AGBL1: variants seen among roughly 807,000 people sequenced by gnomAD.
The protein encoded by AGBL1 is cytosolic carboxypeptidase 4.
Under a neutral mutation model 118.9 loss-of-function variants are expected in AGBL1, and 130 were observed. That is an observed-to-expected ratio of 1.09 (90% CI 0.95 to 1.26). The LOEUF (loss-of-function observed/expected upper bound fraction) is 1.26. Among genes scored for constraint, AGBL1 ranks in the 50% most tolerant of loss-of-function variants. The probability of loss-of-function intolerance (pLI) is 0.00; values close to 1 mark genes in which losing one functional copy is unlikely to be tolerated. For synonymous variants in AGBL1, 555 were observed against 478.9 expected (o/e 1.16, Z -2.08); for missense variants, 1,584 against 1,298.1 (o/e 1.22, Z -3.38).
At position 86,410,843 on chromosome 15, in the gene AGBL1, A is replaced by ATAT. The variant is rs1567242932; in HGVS notation, c.2555+13298_2555+13300dup. Among the ~76,000 whole-genome samples, 42 of 72,714 alleles carry ATAT rather than the reference A, an allele frequency of 5.8e-4. 1 individual carries two copies. Among genetic ancestry groups the ATAT allele is most frequent in the African/African-American group, 2.3e-3 (41 of 17,468 alleles). The allele number at this position is 72,714 out of a possible 152,430, so 47.7% of individuals were successfully genotyped here. A position where few individuals can be genotyped will look rare whatever the true frequency, so the allele number is the denominator to read the frequency against. ...ATATATATATATATATATATATATA[A>ATAT]TATACTATTTTATATATAAAATATA... On this transcript the variant is annotated intron_variant, in intron 18 of 22. Coordinates refer to ENST00000614907, the MANE Select transcript of AGBL1 (RefSeq NM_001386094.1).
intron 19 of AGBL1, among the ~76,000 whole-genome samples, chr15:86,539,492 C>T (rs1350714599): frequency 6.6e-6 from 1 of 152,184 alleles, no homozygotes; most frequent in African/African-American, 2.4e-5. Context: ...ATCTGATCAT[C>T]TTGCTCCTTC....
chr15:86,150,745 A>T (rs1248767219), intron 3 of AGBL1, among the ~76,000 whole-genome samples: 1 of 152,230 alleles, frequency 6.6e-6, no homozygotes, highest in Non-Finnish European at 1.5e-5. Context: ...ATACAAAAAG[A>T]GGCAATCCTC....
chr15:86,332,105 A>G (rs962469389), intron 17 of AGBL1, among the ~76,000 whole-genome samples: 2 of 152,020 alleles, frequency 1.3e-5, no homozygotes, highest in African/African-American at 4.8e-5. Context: ...GGGAAAAAAA[A>G]GCAGGGATTG....
At chr15:86,184,479 A>G (rs1480368160) in intron 5 of AGBL1, among the ~76,000 whole-genome samples, 3 of 144,590 alleles carry the variant, frequency 2.1e-5, no homozygotes, top group Non-Finnish European at 4.5e-5. Flanking sequence ...TTAAAAATGG[A>G]GTCTTAAAAT....
chr15:86,246,914 A>G (rs1364043755), intron 6 of AGBL1, among the ~76,000 whole-genome samples: 1 of 152,172 alleles, frequency 6.6e-6, no homozygotes, highest in Non-Finnish European at 1.5e-5. Flanking sequence ...GGTCCACTGA[A>G]GTTCAGATAG....
intron 6 of AGBL1, among the ~76,000 whole-genome samples, chr15:86,226,409 C>G (rs1429732965): frequency 3.3e-5 from 5 of 152,124 alleles, no homozygotes; most frequent in African/African-American, 7.2e-5. Flanking sequence ...CCCAGCCCAG[C>G]CTTGGCATGG....
intron 18 of AGBL1, among the ~76,000 whole-genome samples, chr15:86,414,407 C>A (rs1428548384): frequency 2.0e-5 from 3 of 152,072 alleles, no homozygotes; most frequent in African/African-American, 7.2e-5. Context: ...TATAGCTTCC[C>A]AGAGGTAGTT....
intron 22 of AGBL1, among the ~76,000 whole-genome samples, chr15:86,889,266 A>G (rs893019159): frequency 7.0e-6 from 1 of 143,014 alleles, no homozygotes; most frequent in Non-Finnish European, 1.5e-5. Context: ...CGCTTACTAT[A>G]GAAAGTTTGA....
chr15:86,998,678 G>A (rs939182938), intron 24 of AGBL1, among the ~76,000 whole-genome samples: 1 of 152,178 alleles, frequency 6.6e-6, no homozygotes, highest in Non-Finnish European at 1.5e-5. Context: ...AAGGGAATGG[G>A]CAGCTGATAT....
intron 21 of AGBL1, among the ~76,000 whole-genome samples, chr15:86,600,431 T>C (rs1338352484): frequency 6.6e-6 from 1 of 152,134 alleles, no homozygotes; most frequent in Non-Finnish European, 1.5e-5. Flanking sequence ...CAAAATATCT[T>C]AAAGGTCTTG....
At chr15:86,677,077 A>C (rs761616524) in intron 22 of AGBL1, among the ~76,000 whole-genome samples, 2 of 152,154 alleles carry the variant, frequency 1.3e-5, no homozygotes, top group Non-Finnish European at 2.9e-5. Context: ...AGGCCCACAG[A>C]CAGCATTAAC....
chr15:86,295,178 T>G, intron 16 of AGBL1, 77 bp from the exon 17 acceptor site: 1 of 1,490,066 alleles, frequency 6.7e-7, no homozygotes. Context: ...AAACTATATG[T>G]AAGCCGTTGT....
chr15:86,192,815 G>A (rs1206088084), intron 5 of AGBL1, among the ~76,000 whole-genome samples: 1 of 152,064 alleles, frequency 6.6e-6, no homozygotes, highest in African/African-American at 2.4e-5. Context: ...TGAAAATATA[G>A]GTGAAAAATG....
chr15:86,688,435 G>A (rs2086102927), intron 22 of AGBL1, among the ~76,000 whole-genome samples: 1 of 152,082 alleles, frequency 6.6e-6, no homozygotes, highest in South Asian at 2.1e-4. Flanking sequence ...TGCAAATTAA[G>A]TTATCTAACT....
intron 21 of AGBL1, among the ~76,000 whole-genome samples, chr15:86,616,459 C>A (rs1300395294): frequency 6.6e-6 from 1 of 151,668 alleles, no homozygotes. Context: ...TTGCAGTGGG[C>A]AGGGTGATAA....
chr15:87,021,222 C>T (rs1043468069), intron 24 of AGBL1, among the ~76,000 whole-genome samples: 14 of 151,916 alleles, frequency 9.2e-5, no homozygotes, highest in African/African-American at 2.4e-4. Context: ...TTGACAAACC[C>T]GACAAATCCA....
At chr15:86,115,218 T>G (rs142931942) in intron 1 of AGBL1, among the ~76,000 whole-genome samples, 2 of 152,266 alleles carry the variant, frequency 1.3e-5, no homozygotes, top group East Asian at 3.9e-4. Context: ...TCCAGTCCCA[T>G]GATGCAGGGG....
At chr15:86,427,947 G>A (rs980996606) in intron 18 of AGBL1, among the ~76,000 whole-genome samples, 9 of 152,054 alleles carry the variant, frequency 5.9e-5, no homozygotes, top group Non-Finnish European at 1.3e-4. Context: ...TCTTGACCTC[G>A]TAGAGAGAAG....
chr15:86,840,477 A>G, intron 22 of AGBL1, among the ~76,000 whole-genome samples: 1 of 151,980 alleles, frequency 6.6e-6, no homozygotes, highest in East Asian at 1.9e-4. Context: ...ACAGAGTCTC[A>G]CTCTGTTGCC....
Sources: allele counts gnomAD v4.1 joint callset (sites outside exome capture counted in the v4.1 genomes callset), GRCh38; gene constraint gnomAD v4.1.1; transcripts MANE v1.5; gene names NCBI Gene and HGNC (gene_info 2026-07-23, HGNC 2026-07-21).